CDH13: variants seen among roughly 807,000 people sequenced by gnomAD.
CDH13 encodes cadherin 13.
CDH13 carries 24 observed loss-of-function variants against 63.8 expected under a neutral mutation model. The ratio of observed to expected loss-of-function variants is 0.38; its 90% CI spans 0.27 to 0.53. The LOEUF (loss-of-function observed/expected upper bound fraction) is 0.53, where lower values mean the gene tolerates loss of function less well. Ranked by LOEUF, CDH13 falls within the 20% of genes least tolerant of loss-of-function variation. The probability of loss-of-function intolerance (pLI) is 0.85; values close to 1 mark genes in which losing one functional copy is unlikely to be tolerated. For missense variants in CDH13, 1,049 were observed against 903.1 expected (o/e 1.16, Z -2.07); for synonymous variants, 503 against 355.3 (o/e 1.42, Z -4.67).
intron 10 of CDH13, among the ~76,000 whole-genome samples, chr16:83,722,972 C>G (rs1022784087): frequency 1.3e-5 from 2 of 152,208 alleles, no homozygotes; most frequent in African/African-American, 2.4e-5. Flanking sequence ...TTTCTGAGCA[C>G]AGAGCTGAGC....
chr16:83,017,381 G>T (rs1914910641), intron 2 of CDH13, among the ~76,000 whole-genome samples: 1 of 152,140 alleles, frequency 6.6e-6, no homozygotes, highest in East Asian at 1.9e-4. Context: ...GTGCTGCTAA[G>T]CTGTAGAATA....
chr16:82,965,693 G>C (rs1907697240), intron 2 of CDH13, among the ~76,000 whole-genome samples: 2 of 152,114 alleles, frequency 1.3e-5, no homozygotes, highest in Non-Finnish European at 2.9e-5. Flanking sequence ...GGGTTTCACC[G>C]TGTTGGCCAG....
At chr16:83,117,071 C>G (rs1199494196) in intron 3 of CDH13, among the ~76,000 whole-genome samples, 1 of 152,188 alleles carries the variant, frequency 6.6e-6, no homozygotes, top group Non-Finnish European at 1.5e-5. Context: ...AGGAGGAAAT[C>G]CAACTAATTT....
chr16:82,740,812 A>G (rs2033893228), intron 1 of CDH13, among the ~76,000 whole-genome samples: 1 of 152,230 alleles, frequency 6.6e-6, no homozygotes. Flanking sequence ...ATGGGGGAAC[A>G]TTCTGTTTGG....
chr16:83,010,155 A>AG (rs1913990363), intron 2 of CDH13, among the ~76,000 whole-genome samples: 2 of 130,370 alleles, frequency 1.5e-5, no homozygotes, highest in African/African-American at 5.7e-5. Flanking sequence ...AAAAAAAAAA[A>AG]AAAAAAACAA....
At chr16:83,723,983 T>A (rs1021872632) in intron 10 of CDH13, among the ~76,000 whole-genome samples, 1 of 152,124 alleles carries the variant, frequency 6.6e-6, no homozygotes, top group Admixed American at 6.5e-5. Context: ...AATGCATGGA[T>A]GAATGTGGAA....
intron 5 of CDH13, among the ~76,000 whole-genome samples, chr16:83,288,911 T>G (rs1448037239): frequency 6.6e-6 from 1 of 152,230 alleles, no homozygotes; most frequent in East Asian, 1.9e-4. Context: ...AACATTCGCC[T>G]GGATTTGCAT....
chr16:83,196,450 T>G (rs544598980), intron 4 of CDH13, among the ~76,000 whole-genome samples: 7 of 152,232 alleles, frequency 4.6e-5, no homozygotes, highest in Admixed American at 4.6e-4. Flanking sequence ...TTTATCAAAA[T>G]TTGAAACTTT....
At chr16:83,172,836 A>G (rs923895893) in intron 4 of CDH13, among the ~76,000 whole-genome samples, 2 of 152,112 alleles carry the variant, frequency 1.3e-5, no homozygotes, top group Admixed American at 6.6e-5. Flanking sequence ...CTGAATGTGG[A>G]TCGTTTCATC....
intron 3 of CDH13, among the ~76,000 whole-genome samples, chr16:83,110,247 C>G (rs9922463): frequency 0.36 from 54,850 of 152,128 alleles, 10,888 homozygotes; most frequent in Middle Eastern, 0.54. Context: ...ACTCCATCAA[C>G]TGCTGCTTCT....
At chr16:83,620,977 T>C (rs532730026) in intron 8 of CDH13, among the ~76,000 whole-genome samples, 53 of 152,160 alleles carry the variant, frequency 3.5e-4, no homozygotes, top group Non-Finnish European at 6.6e-4. Flanking sequence ...CCAGTGTGAA[T>C]ATCTGAAAGC....
At chr16:82,751,160 C>T (rs2034397992) in intron 1 of CDH13, among the ~76,000 whole-genome samples, 1 of 152,146 alleles carries the variant, frequency 6.6e-6, no homozygotes, top group Non-Finnish European at 1.5e-5. Context: ...CAGTTGATGT[C>T]ACCATGATGG....
At chr16:83,601,928 A>T (rs1031367111) in intron 7 of CDH13, among the ~76,000 whole-genome samples, 1 of 151,864 alleles carries the variant, frequency 6.6e-6, no homozygotes, top group African/African-American at 2.4e-5. Flanking sequence ...CCCTGTCCCT[A>T]CTAAAAGTAC....
intron 5 of CDH13, among the ~76,000 whole-genome samples, chr16:83,267,133 T>C (rs1452737596): frequency 1.3e-5 from 2 of 152,170 alleles, no homozygotes; most frequent in African/African-American, 4.8e-5. Flanking sequence ...GCCTCATTCT[T>C]TGCTAAAACA....
intron 6 of CDH13, among the ~76,000 whole-genome samples, chr16:83,359,697 G>A (rs1424169): frequency 0.24 from 35,895 of 152,088 alleles, 4,294 homozygotes; most frequent in Middle Eastern, 0.33. Flanking sequence ...GAAACAGTGT[G>A]CTCTCCAAAT....
intron 1 of CDH13, among the ~76,000 whole-genome samples, chr16:82,698,685 C>T (rs1482172760): frequency 1.3e-5 from 2 of 152,140 alleles, no homozygotes; most frequent in African/African-American, 4.8e-5. Flanking sequence ...CATGGCTGAG[C>T]CCATTGTCAA....
intron 7 of CDH13, among the ~76,000 whole-genome samples, chr16:83,519,305 G>A (rs772089596): frequency 2.0e-5 from 3 of 152,176 alleles, no homozygotes; most frequent in Non-Finnish European, 4.4e-5. Flanking sequence ...ATATCCAAGG[G>A]CCTTTATCAG....
intron 2 of CDH13, among the ~76,000 whole-genome samples, chr16:82,974,938 A>G (rs932716359): frequency 6.6e-6 from 1 of 152,298 alleles, no homozygotes; most frequent in South Asian, 2.1e-4. Flanking sequence ...CCCACACATA[A>G]ACTACGCCCA....
At chr16:83,743,748 C>CTTTTTTTTT (rs67886035) in intron 10 of CDH13, among the ~76,000 whole-genome samples, 17 of 76,264 alleles carry the variant, frequency 2.2e-4, no homozygotes, top group Admixed American at 7.1e-4. Context: ...TTTCTTTTTT[C>CTTTTTTTTT]TTTTTTTTTT....
Sources: gnomAD v4.1 joint callset for allele counts (sites outside exome capture counted in the v4.1 genomes callset) on GRCh38, gnomAD v4.1.1 for gene constraint, MANE v1.5 for transcripts, NCBI Gene and HGNC (gene_info 2026-07-23, HGNC 2026-07-21) for gene names.